Variants in RAB3C observed in about 807,000 individuals in gnomAD.
RAB3C encodes ras-related protein Rab-3C.
RAB3C carries 17 observed loss-of-function variants against 26.4 expected under a neutral mutation model. The observed-to-expected ratio is 0.64, with a 90% confidence interval of 0.44 to 0.97. The LOEUF is 0.97. Ranked by LOEUF, RAB3C falls within the 50% of genes least tolerant of loss-of-function variation. RAB3C has a pLI of 0.00. For missense variants in RAB3C, 242 were observed against 281.9 expected (o/e 0.86, Z 1.01); for synonymous variants, 91 against 95.9 (o/e 0.95, Z 0.30).
chr5:58,609,765 C>T (rs1475829151), intron 1 of RAB3C, among the ~76,000 whole-genome samples: 1 of 152,106 alleles, frequency 6.6e-6, no homozygotes, highest in Non-Finnish European at 1.5e-5. Flanking sequence ...TTATTCATTC[C>T]CTGCTAAGGT....
chr5:58,756,080 C>G (rs990208951), intron 3 of RAB3C, among the ~76,000 whole-genome samples: 1 of 151,314 alleles, frequency 6.6e-6, no homozygotes, highest in Non-Finnish European at 1.5e-5. Flanking sequence ...TACCCATACA[C>G]CCTTTTCCCA....
At chr5:58,633,169 C>G (rs158977) in intron 2 of RAB3C, among the ~76,000 whole-genome samples, 38,960 of 152,046 alleles carry the variant, frequency 0.26, 5,285 homozygotes, top group African/African-American at 0.32. Flanking sequence ...AGGAAGCATA[C>G]GGTTTCATTT....
At chr5:58,797,358 G>A (rs11505107) in intron 3 of RAB3C, among the ~76,000 whole-genome samples, 3,872 of 25,084 alleles carry the variant, frequency 0.15, 212 homozygotes, top group Non-Finnish European at 0.18. Context: ...AAAAAAATAT[G>A]TATATATATA....
chr5:58,664,977 G>A (rs1331652293), intron 2 of RAB3C, among the ~76,000 whole-genome samples: 1 of 152,020 alleles, frequency 6.6e-6, no homozygotes, highest in East Asian at 1.9e-4. Context: ...TCCAGCCTCT[G>A]AAATATGTTT....
chr5:58,766,377 A>C (rs1208765790), intron 3 of RAB3C, among the ~76,000 whole-genome samples: 2 of 152,116 alleles, frequency 1.3e-5, no homozygotes, highest in African/African-American at 4.8e-5. Context: ...CGGCCCCCCA[A>C]AGTGCTGGGA....
chr5:58,624,904 A>G (rs558919845), intron 2 of RAB3C, among the ~76,000 whole-genome samples: 1 of 152,224 alleles, frequency 6.6e-6, no homozygotes, highest in South Asian at 2.1e-4. Flanking sequence ...AAAACCCCCA[A>G]TCTGGCATTC....
At chr5:58,651,811 G>T (rs751724706) in intron 2 of RAB3C, among the ~76,000 whole-genome samples, 2 of 152,062 alleles carry the variant, frequency 1.3e-5, no homozygotes, top group African/African-American at 4.8e-5. Flanking sequence ...TACCAAAATT[G>T]CCTGATGCTC....
At chr5:58,607,598 A>ATTGT (rs1160229753) in intron 1 of RAB3C, among the ~76,000 whole-genome samples, 7 of 152,184 alleles carry the variant, frequency 4.6e-5, no homozygotes, top group African/African-American at 1.7e-4. Context: ...CACAACCCCA[A>ATTGT]GACACATAAT....
intron 3 of RAB3C, among the ~76,000 whole-genome samples, chr5:58,810,364 G>GCTCTCTCTCTCT (rs143427018): frequency 4.4e-4 from 46 of 103,562 alleles, no homozygotes; most frequent in Admixed American, 3.5e-3. Flanking sequence ...TACTCTGTGT[G>GCTCTCTCTCTCT]CTCTCTCTCT....
At chr5:58,797,057 T>C (rs1270785495) in intron 3 of RAB3C, among the ~76,000 whole-genome samples, 1 of 151,614 alleles carries the variant, frequency 6.6e-6, no homozygotes, top group Non-Finnish European at 1.5e-5. Flanking sequence ...ATATGTAGTA[T>C]TGTGAGAAGC....
intron 3 of RAB3C, among the ~76,000 whole-genome samples, chr5:58,804,516 C>T (rs902457019): frequency 2.6e-5 from 4 of 152,100 alleles, no homozygotes; most frequent in African/African-American, 9.7e-5. Flanking sequence ...TTTCTTACAC[C>T]CAGAGAGGCT....
intron 2 of RAB3C, among the ~76,000 whole-genome samples, chr5:58,706,916 C>A (rs555688559): frequency 2.0e-5 from 3 of 152,272 alleles, no homozygotes; most frequent in Non-Finnish European, 4.4e-5. Flanking sequence ...TGGAGAAAAG[C>A]CCAGACAACA....
intron 1 of RAB3C, among the ~76,000 whole-genome samples, chr5:58,599,499 CCT>C (rs2111681981): frequency 6.6e-6 from 1 of 152,208 alleles, no homozygotes; most frequent in African/African-American, 2.4e-5. Flanking sequence ...TGCTTACAAT[CCT>C]CTCTCTGTGT....
chr5:58,758,621 A>G (rs1040911788), intron 3 of RAB3C, among the ~76,000 whole-genome samples: 1 of 152,228 alleles, frequency 6.6e-6, no homozygotes, highest in Non-Finnish European at 1.5e-5. Context: ...GGAATTTGCA[A>G]TCAAATGGGG....
chr5:58,800,239 G>C (rs1742773097), intron 3 of RAB3C, among the ~76,000 whole-genome samples: 1 of 152,178 alleles, frequency 6.6e-6, no homozygotes, highest in South Asian at 2.1e-4. Context: ...TTCTTTGGTG[G>C]TTATGAGAAG....
chr5:58,786,871 A>G (rs1465891919), intron 3 of RAB3C, among the ~76,000 whole-genome samples: 3 of 151,902 alleles, frequency 2.0e-5, no homozygotes, highest in Non-Finnish European at 2.9e-5. Context: ...GAAAGTTCCT[A>G]CTGCGGTACA....
intron 3 of RAB3C, among the ~76,000 whole-genome samples, chr5:58,811,375 GTGTC>G (rs1458462454): frequency 1.3e-5 from 2 of 152,078 alleles, no homozygotes; most frequent in Non-Finnish European, 2.9e-5. Context: ...ATGTGTGTGT[GTGTC>G]TGTGTGTGTA....
chr5:58,600,546 G>T (rs1746430058), intron 1 of RAB3C, among the ~76,000 whole-genome samples: 1 of 151,570 alleles, frequency 6.6e-6, no homozygotes, highest in Non-Finnish European at 1.5e-5. Flanking sequence ...CCCTGTAGAG[G>T]TCTTTTGCCT....
chr5:58,820,388 C>T (rs1400229933), intron 3 of RAB3C, among the ~76,000 whole-genome samples: 1 of 152,158 alleles, frequency 6.6e-6, no homozygotes, highest in African/African-American at 2.4e-5. Flanking sequence ...CCCAACATGG[C>T]ATTGATCTCC....
Sources: allele counts gnomAD v4.1 joint callset (sites outside exome capture counted in the v4.1 genomes callset), GRCh38; gene constraint gnomAD v4.1.1; transcripts MANE v1.5; gene names NCBI Gene and HGNC (gene_info 2026-07-23, HGNC 2026-07-21).